FAM135B: variants seen among roughly 807,000 people sequenced by gnomAD.
FAM135B encodes family with sequence similarity 135 member B.
In FAM135B, 43 loss-of-function variants were observed where a neutral mutation model predicts 127.7. That is an observed-to-expected ratio of 0.34 (90% CI 0.26 to 0.43). The LOEUF is 0.43. Among genes scored for constraint, FAM135B ranks in the 20% least tolerant of loss-of-function variants. The pLI is 1.00. For missense variants in FAM135B, 1,558 were observed against 1,725.6 expected (o/e 0.90, Z 1.72); for synonymous variants, 670 against 665.1 (o/e 1.01, Z -0.11).
intron 5 of FAM135B, among the ~76,000 whole-genome samples, chr8:138,252,741 A>T (rs1436017423): frequency 6.6e-6 from 1 of 152,134 alleles, no homozygotes; most frequent in Admixed American, 6.5e-5. Flanking sequence ...CAAACAAAAA[A>T]CACACACAGA....
intron 1 of FAM135B, among the ~76,000 whole-genome samples, chr8:138,403,519 C>A (rs879499661): frequency 7.9e-5 from 12 of 152,186 alleles, no homozygotes; most frequent in Admixed American, 7.9e-4. Flanking sequence ...TATTGTTACA[C>A]AGGGATTATT....
intron 12 of FAM135B, among the ~76,000 whole-genome samples, chr8:138,154,727 A>C (rs2130806090): frequency 6.6e-6 from 1 of 152,268 alleles, no homozygotes; most frequent in African/African-American, 2.4e-5. Flanking sequence ...AATGAAGTGA[A>C]AAGAGAAGTT....
intron 3 of FAM135B, among the ~76,000 whole-genome samples, chr8:138,281,544 T>C (rs1437898242): frequency 1.3e-5 from 2 of 152,162 alleles, no homozygotes; most frequent in East Asian, 3.9e-4. Context: ...GTCCACATTA[T>C]ACTTGGATTC....
chr8:138,253,805 T>C (rs1821881318), intron 5 of FAM135B, among the ~76,000 whole-genome samples: 1 of 152,184 alleles, frequency 6.6e-6, no homozygotes, highest in African/African-American at 2.4e-5. Context: ...ACTTACCTGA[T>C]GCTAAAGAGG....
chr8:138,243,906 T>C lies in FAM135B; in HGVS notation c.543-838A>G, dbSNP rs1171413411. On this transcript the variant is annotated intron_variant, in intron 6 of 19. Transcript: ENST00000395297. This position sits in a 1 kb window ranked among gnomAD's most constrained non-coding sequence, Gnocchi z 7.5. ...TATTGTGGATACTATATTCTAGGCATGTTTTAGTCCCTCAGTAAAATTTAA... is the reference window on the plus strand; with the variant it reads ...TATTGTGGATACTATATTCTAGGCACGTTTTAGTCCCTCAGTAAAATTTAA... Among the ~76,000 whole-genome samples the C allele has an allele frequency of 6.6e-6, 1 of 152,184 alleles. No homozygotes were observed. Among genetic ancestry groups the C allele is most frequent in the South Asian group, 2.1e-4 (1 of 4,830 alleles).
chr8:138,237,412 C>T (rs910879582), intron 7 of FAM135B, among the ~76,000 whole-genome samples: 11 of 152,078 alleles, frequency 7.2e-5, no homozygotes, highest in African/African-American at 1.7e-4. Context: ...CTGCCCGCCT[C>T]GGCCTCCCAA....
At chr8:138,489,987 CT>C (rs1815137458) in intron 1 of FAM135B, among the ~76,000 whole-genome samples, 1 of 152,188 alleles carries the variant, frequency 6.6e-6, no homozygotes, top group South Asian at 2.1e-4. Flanking sequence ...ATTATAACTG[CT>C]TCTCTACTTG....
chr8:138,287,065 G>A (rs1054597857), intron 3 of FAM135B, among the ~76,000 whole-genome samples: 3 of 152,192 alleles, frequency 2.0e-5, no homozygotes, highest in South Asian at 2.1e-4. Flanking sequence ...ACTTCAAAGT[G>A]TAAAATGTCT....
intron 9 of FAM135B, among the ~76,000 whole-genome samples, chr8:138,188,986 C>T (rs186496690): frequency 0.022 from 3,147 of 141,216 alleles, 99 homozygotes; most frequent in African/African-American, 0.088. Context: ...CCTGGAACTG[C>T]TGCCCAAAGT....
intron 2 of FAM135B, among the ~76,000 whole-genome samples, chr8:138,367,030 C>A (rs1830783608): frequency 6.6e-6 from 1 of 152,160 alleles, no homozygotes; most frequent in Non-Finnish European, 1.5e-5. Context: ...CAAGCCACAT[C>A]TAACTCAGTA....
chr8:138,469,244 C>T (rs1263387103), intron 1 of FAM135B, among the ~76,000 whole-genome samples: 1 of 151,746 alleles, frequency 6.6e-6, no homozygotes, highest in Non-Finnish European at 1.5e-5. Flanking sequence ...AAGAAAGTTA[C>T]TGGAAAAGAA....
At chr8:138,271,706 TATGTAAAACAAACTGAGTTTGATC>T (rs1186488328) in intron 3 of FAM135B, among the ~76,000 whole-genome samples, 2 of 152,190 alleles carry the variant, frequency 1.3e-5, no homozygotes, top group Non-Finnish European at 2.9e-5. Flanking sequence ...GGCGGCAAAT[TATGTAAAACAAACTGAGTTTGATC>T]ATAGATGTTA....
chr8:138,329,287 C>T (rs1461839484), intron 2 of FAM135B, among the ~76,000 whole-genome samples: 1 of 152,172 alleles, frequency 6.6e-6, no homozygotes, highest in African/African-American at 2.4e-5. Context: ...GACCAATTTC[C>T]AGCTCCTTCC....
chr8:138,338,439 A>T (rs1325610698), intron 2 of FAM135B, among the ~76,000 whole-genome samples: 1 of 152,128 alleles, frequency 6.6e-6, no homozygotes. Context: ...CCCATCAAAA[A>T]GTGGGCAAAG....
chr8:138,320,338 T>TA (rs960085115), intron 2 of FAM135B, among the ~76,000 whole-genome samples: 2 of 152,304 alleles, frequency 1.3e-5, no homozygotes, highest in African/African-American at 4.8e-5. Flanking sequence ...GTCACATAGC[T>TA]AGTCAATGGA....
At chr8:138,167,326 G>C (rs752931965) in intron 12 of FAM135B, among the ~76,000 whole-genome samples, 1 of 152,142 alleles carries the variant, frequency 6.6e-6, no homozygotes, top group Non-Finnish European at 1.5e-5. Context: ...CTCCCAAGTA[G>C]CTGGGATTAC....
rs1817183829 is a variant in FAM135B, at chr8:138,141,873, G to T, written c.3639-524C>A. 6.6e-6 allele frequency among the ~76,000 whole-genome samples: 1 copy of T among 152,044 alleles called. No individual in the cohort carries two copies. The stretch of plus-strand genomic sequence containing the variant: ...TGCTCCAGCCATACTGCTACTCACA[G>T]GCCCACGTGTTCAATGAATCATTAT... On this transcript the variant is annotated intron_variant, in intron 16 of 19. Transcript: ENST00000395297. The surrounding 1 kb of genome is among the most constrained non-coding windows in gnomAD (Gnocchi z 4.7).
At chr8:138,283,293 C>T (rs765685357) in intron 3 of FAM135B, among the ~76,000 whole-genome samples, 16 of 152,018 alleles carry the variant, frequency 1.1e-4, no homozygotes, top group East Asian at 1.9e-4. Flanking sequence ...CGAAATGAGC[C>T]GTTGGGCCAT....
intron 12 of FAM135B, among the ~76,000 whole-genome samples, chr8:138,155,171 C>A (rs947780861): frequency 1.3e-5 from 2 of 152,158 alleles, no homozygotes; most frequent in Non-Finnish European, 2.9e-5. Flanking sequence ...ACTTTCAACC[C>A]AGAATTTCAT....
Sources: gnomAD v4.1 joint callset for allele counts (sites outside exome capture counted in the v4.1 genomes callset) on GRCh38, gnomAD v4.1.1 for gene constraint, Gnocchi (gnomAD v3.1) non-coding constraint, MANE v1.5 for transcripts, NCBI Gene and HGNC (gene_info 2026-07-23, HGNC 2026-07-21) for gene names.